Variants in TNKS2 observed in about 807,000 individuals in gnomAD.
The protein encoded by TNKS2 is tankyrase 2, also known as poly [ADP-ribose] polymerase tankyrase-2.
TNKS2 carries 72 observed loss-of-function variants against 137.6 expected under a neutral mutation model. That is an observed-to-expected ratio of 0.52 (90% CI 0.43 to 0.64). The LOEUF is 0.64. Ranked by LOEUF, TNKS2 falls within the 30% of genes least tolerant of loss-of-function variation. The pLI is 0.00. For synonymous variants in TNKS2, 516 were observed against 512.1 expected, an observed-to-expected ratio of 1.01 and a Z score of -0.10; for missense variants, 1,049 against 1,410.2, an observed-to-expected ratio of 0.74 and a Z score of 4.10.
At chr10:91,825,790 T>C (rs1845047852) in intron 7 of TNKS2, among the ~76,000 whole-genome samples, 1 of 152,244 alleles carries the variant, frequency 6.6e-6, no homozygotes, top group Non-Finnish European at 1.5e-5. Context: ...TTAAAAAGCC[T>C]AACAATACAA....
intron 11 of TNKS2, among the ~76,000 whole-genome samples, chr10:91,832,973 T>A (rs947625273): frequency 1.3e-5 from 2 of 152,218 alleles, no homozygotes; most frequent in Non-Finnish European, 2.9e-5. Context: ...TTCACACATT[T>A]CAAAGTAATC....
At chr10:91,850,251 C>A (rs907046148) in intron 20 of TNKS2, among the ~76,000 whole-genome samples, 4 of 151,472 alleles carry the variant, frequency 2.6e-5, no homozygotes, top group Non-Finnish European at 5.9e-5. Flanking sequence ...CACCTATAAT[C>A]CCACCTACTC....
chr10:91,817,210 T>C lies in TNKS2; in HGVS notation c.501T>C (p.Ser167=). 6.2e-7 allele frequency: 1 copy of C among 1,613,310 alleles called. No individual in the cohort carries two copies. Among genetic ancestry groups the C allele is most frequent in the Non-Finnish European group, 8.5e-7 (1 of 1,179,612 alleles). The change falls in exon 3 of 27, where the codon TCT becomes TCC. Residue 167 remains serine (S), a synonymous_variant. Transcript: ENST00000371627. The part of the protein sequence containing the change: ...GRTALDLADP[S]AKAVLTGEYK... ...CAGCATTGGATTTAGCAGATCCATC[T>C]GCCAAAGCAGTGCTTACTGGTAAGT... is the stretch of plus-strand genomic sequence containing the variant.
rs114854701 is a variant in TNKS2 at position 91,840,738 on chromosome 10, C to T, written c.1673+32C>T. 12,624 of 1,573,188 alleles carry T rather than the reference C, an allele frequency of 8.0e-3. 77 individuals are homozygous for T. Among genetic ancestry groups the T allele is most frequent in the Middle Eastern group, 0.014 (82 of 5,912 alleles). On this transcript the variant is annotated intron_variant, in intron 14 of 26. Transcript: ENST00000371627. ...GCCAATGATTGTTATGGACTCTCTT[C>T]CTTACTTTTACTTGACCTTTTTAGG... is the stretch of plus-strand genomic sequence containing the variant.
intron 20 of TNKS2, among the ~76,000 whole-genome samples, chr10:91,850,387 A>T (rs1466117393): frequency 6.9e-6 from 1 of 145,808 alleles, no homozygotes; most frequent in African/African-American, 2.6e-5. Flanking sequence ...AAAAAAAAGA[A>T]CATATGAAAA....
chr10:91,862,400 C>A (rs1842875654), intron 26 of TNKS2, among the ~76,000 whole-genome samples: 2 of 152,062 alleles, frequency 1.3e-5, no homozygotes, highest in African/African-American at 2.4e-5. Flanking sequence ...CTCCTTCTTT[C>A]CTTGTGTGTG....
At chr10:91,807,369 T>C (rs966505510) in intron 1 of TNKS2, 117 of 1,614,026 alleles carry the variant, frequency 7.2e-5, no homozygotes, top group Non-Finnish European at 9.3e-5. Context: ...CACACGTGCC[T>C]TCATAGGGTC....
chr10:91,820,887 C>T (rs10881975), intron 6 of TNKS2, among the ~76,000 whole-genome samples: 49,581 of 151,798 alleles, frequency 0.33, 8,613 homozygotes, highest in South Asian at 0.53. Context: ...ATACAATGAG[C>T]GAGGAATAAA....
intron 13 of TNKS2, among the ~76,000 whole-genome samples, 158 bp downstream of exon 13, chr10:91,837,156 TTAAG>T (rs1444293588): frequency 6.6e-6 from 1 of 152,192 alleles, no homozygotes; most frequent in Admixed American, 6.5e-5. Flanking sequence ...ATGAGTAGCT[TTAAG>T]TAATGAAAGA....
At chr10:91,822,420 T>TA in intron 7 of TNKS2, 58 bp downstream of exon 7, 1 of 1,325,328 alleles carries the variant, frequency 7.5e-7, no homozygotes. Context: ...TAACTTGAAA[T>TA]ACATTAGTAT....
intron 18 of TNKS2, 108 bp downstream of exon 18, chr10:91,846,048 G>A (rs1589685201): frequency 1.0e-5 from 9 of 882,438 alleles, no homozygotes; most frequent in East Asian, 5.8e-5. Context: ...CAAAATCTGG[G>A]TTTTAGCCTG....
chr10:91,804,496 G>T (rs1215937463), intron 1 of TNKS2, among the ~76,000 whole-genome samples: 1 of 152,180 alleles, frequency 6.6e-6, no homozygotes, highest in Admixed American at 6.5e-5. Context: ...AGTGTGTCCT[G>T]AGCAGCCATG....
intron 1 of TNKS2, among the ~76,000 whole-genome samples, chr10:91,799,635 T>C (rs1366547347): frequency 6.6e-6 from 1 of 152,242 alleles, no homozygotes; most frequent in Non-Finnish European, 1.5e-5. Context: ...AATTACATTA[T>C]TTTAATATTT....
chr10:91,862,043 A>G lies in TNKS2; in HGVS notation c.3326A>G (p.Gln1109Arg). Residue 1109 changes from glutamine (Q) to arginine (R), a missense_variant, in exon 26 of 27, where the codon CAG becomes CGG. By Grantham distance (43) the Gln-to-Arg change is conservative (BLOSUM62 1). Coordinates refer to ENST00000371627, the MANE Select transcript of TNKS2 (RefSeq NM_025235.4). Reference protein sequence around the residue: ...CRVTLGKSFLQFSAMKMAHSP... With the variant: ...CRVTLGKSFLRFSAMKMAHSP... The stretch of plus-strand genomic sequence containing the variant: ...GTAACCTTGGGAAAGTCTTTCCTGC[A>G]GTTCAGTGCAATGAAAATGGCACAT... The G allele has an allele frequency of 6.2e-7, 1 of 1,612,454 alleles. No homozygotes were observed. The highest frequency in any genetic ancestry group is 8.5e-7 in the Non-Finnish European group (1 of 1,179,070).
intron 1 of TNKS2, chr10:91,807,414 T>A: frequency 1.2e-6 from 2 of 1,613,926 alleles, no homozygotes; most frequent in Non-Finnish European, 8.5e-7. Flanking sequence ...GCGGCTGAAC[T>A]CCTCCCAGGT....
chr10:91,809,968 G>C (rs1467469517), intron 1 of TNKS2, among the ~76,000 whole-genome samples: 1 of 152,164 alleles, frequency 6.6e-6, no homozygotes, highest in African/African-American at 2.4e-5. Flanking sequence ...GATTCAACCA[G>C]AATAGTTTTT....
Position 91,864,320 on chromosome 10 carries a change from T to G in TNKS2, c.*1321T>G, listed in dbSNP as rs74353173. ...GCTGTCCCATAAAATGCCATTCCTA[T>G]TTTCTAATATAAAACTCTTTTCCAG... On this transcript the variant is annotated 3_prime_UTR_variant, in exon 27 of 27. Transcript: ENST00000371627. 565 of 152,758 alleles carry G rather than the reference T, an allele frequency of 3.7e-3. 2 individuals carry two copies. The highest frequency in any genetic ancestry group is 0.013 in the African/African-American group (540 of 41,568). The allele number at this position is 152,758 out of a possible 1,614,324, so 9.5% of individuals were successfully genotyped here.
intron 1 of TNKS2, among the ~76,000 whole-genome samples, chr10:91,802,558 T>C (rs975396387): frequency 6.6e-6 from 1 of 152,216 alleles, no homozygotes; most frequent in African/African-American, 2.4e-5. Flanking sequence ...GACCAACAGG[T>C]TATAATCTCA....
intron 15 of TNKS2, 113 bp downstream of exon 15, chr10:91,841,561 C>G: frequency 1.4e-6 from 1 of 691,820 alleles, no homozygotes; most frequent in Admixed American, 3.4e-5. Context: ...GCAATGTTAC[C>G]TAATTCTGTA....
Sources: allele counts gnomAD v4.1 joint callset (sites outside exome capture counted in the v4.1 genomes callset), GRCh38; gene constraint gnomAD v4.1.1; transcripts MANE v1.5; gene names NCBI Gene and HGNC (gene_info 2026-07-23, HGNC 2026-07-21).